Variants in SGCZ observed in about 807,000 individuals in gnomAD.
SGCZ encodes the protein zeta-sarcoglycan.
A neutral mutation model predicts 41.3 loss-of-function variants in SGCZ; 40 were observed. That is an observed-to-expected ratio of 0.97 (90% confidence interval 0.75 to 1.26). The LOEUF is 1.26. Ranked by LOEUF, SGCZ falls within the 50% of genes most tolerant of loss-of-function variation. SGCZ has a pLI of 0.00. For synonymous variants in SGCZ, 206 were observed against 137.5 expected, an observed-to-expected ratio of 1.50 and a Z score of -3.49; for missense variants, 552 against 369.8, an observed-to-expected ratio of 1.49 and a Z score of -4.04.
chr8:14,249,332 G>A (rs1053709982), intron 3 of SGCZ, among the ~76,000 whole-genome samples: 7 of 152,068 alleles, frequency 4.6e-5, no homozygotes, highest in African/African-American at 1.7e-4. Context: ...TGATATCACA[G>A]GCTTTCCTGG....
chr8:15,103,016 T>C (rs1454703233), intron 1 of SGCZ, among the ~76,000 whole-genome samples: 1 of 152,186 alleles, frequency 6.6e-6, no homozygotes, highest in Non-Finnish European at 1.5e-5. Flanking sequence ...TATAATGTAA[T>C]ATAAATAGAA....
intron 1 of SGCZ, among the ~76,000 whole-genome samples, chr8:14,786,029 C>T (rs1476561831): frequency 7.6e-6 from 1 of 131,942 alleles, no homozygotes; most frequent in Non-Finnish European, 1.5e-5. Flanking sequence ...AGATATATCC[C>T]CTTTATTTTT....
At chr8:14,878,518 G>A (rs1301026742) in intron 1 of SGCZ, among the ~76,000 whole-genome samples, 4 of 152,042 alleles carry the variant, frequency 2.6e-5, no homozygotes, top group Non-Finnish European at 2.9e-5. Context: ...ATATCTGATT[G>A]GCTACAAATG....
At chr8:14,433,398 G>C (rs1800001081) in intron 2 of SGCZ, among the ~76,000 whole-genome samples, 1 of 152,134 alleles carries the variant, frequency 6.6e-6, no homozygotes, top group Non-Finnish European at 1.5e-5. Flanking sequence ...ACAATGAATT[G>C]TTTATTGCAA....
intron 1 of SGCZ, among the ~76,000 whole-genome samples, chr8:14,735,359 G>T (rs151092872): frequency 6.6e-6 from 1 of 152,194 alleles, no homozygotes; most frequent in Non-Finnish European, 1.5e-5. Context: ...CCAATTGGCC[G>T]CCAGCACGGC....
intron 1 of SGCZ, among the ~76,000 whole-genome samples, chr8:14,986,309 G>A (rs934480784): frequency 1.3e-5 from 2 of 152,016 alleles, no homozygotes; most frequent in African/African-American, 4.8e-5. Context: ...TACCACTAAG[G>A]TTCTTACAGT....
At chr8:14,644,754 T>C (rs1807150432) in intron 1 of SGCZ, among the ~76,000 whole-genome samples, 1 of 151,734 alleles carries the variant, frequency 6.6e-6, no homozygotes, top group Admixed American at 6.6e-5. Flanking sequence ...AATGCAAATG[T>C]ACTTCTTACG....
At chr8:14,787,718 C>T (rs375401776) in intron 1 of SGCZ, among the ~76,000 whole-genome samples, 50 of 151,974 alleles carry the variant, frequency 3.3e-4, no homozygotes, top group African/African-American at 5.8e-4. Context: ...TGGTGGCACA[C>T]GCCTGTGATC....
intron 1 of SGCZ, among the ~76,000 whole-genome samples, chr8:15,031,905 C>CTA (rs945403224): frequency 1.4e-5 from 1 of 71,354 alleles, no homozygotes; most frequent in Non-Finnish European, 2.5e-5. Flanking sequence ...CTATATTCCT[C>CTA]TCTCTCTCTC....
At chr8:14,788,712 A>G (rs979252935) in intron 1 of SGCZ, among the ~76,000 whole-genome samples, 6 of 152,228 alleles carry the variant, frequency 3.9e-5, no homozygotes, top group African/African-American at 7.2e-5. Flanking sequence ...TGAAATTGTC[A>G]TGAACAAGCA....
intron 1 of SGCZ, among the ~76,000 whole-genome samples, chr8:14,956,273 C>T (rs975192012): frequency 2.6e-5 from 4 of 151,836 alleles, no homozygotes; most frequent in African/African-American, 9.7e-5. Flanking sequence ...CTCTTGACCT[C>T]GTGATCCGCC....
intron 2 of SGCZ, among the ~76,000 whole-genome samples, chr8:14,443,737 G>A (rs2117377599): frequency 6.6e-6 from 1 of 152,162 alleles, no homozygotes; most frequent in East Asian, 1.9e-4. Context: ...TTACCATTCA[G>A]GACATAGGCA....
chr8:14,427,452 C>T (rs565662132), intron 2 of SGCZ, among the ~76,000 whole-genome samples: 1 of 152,140 alleles, frequency 6.6e-6, no homozygotes, highest in East Asian at 1.9e-4. Context: ...CCACAGAGAC[C>T]CAAAGATATT....
intron 1 of SGCZ, among the ~76,000 whole-genome samples, chr8:14,674,749 T>G (rs1331267165): frequency 2.6e-5 from 4 of 151,534 alleles, no homozygotes; most frequent in African/African-American, 7.3e-5. Flanking sequence ...TCTCAAGAGA[T>G]CTGATCATTT....
chr8:14,244,309 G>A (rs539103911), intron 3 of SGCZ, among the ~76,000 whole-genome samples: 1 of 150,598 alleles, frequency 6.6e-6, no homozygotes, highest in South Asian at 2.1e-4. Flanking sequence ...AGCAAGGTTG[G>A]TAAAAATTCA....
chr8:14,840,695 A>G (rs905154138), intron 1 of SGCZ, among the ~76,000 whole-genome samples: 1 of 152,122 alleles, frequency 6.6e-6, no homozygotes, highest in African/African-American at 2.4e-5. Flanking sequence ...AAATAATTTT[A>G]TCTTGTCAGG....
intron 1 of SGCZ, among the ~76,000 whole-genome samples, chr8:14,625,743 T>A (rs1806434226): frequency 6.6e-6 from 1 of 152,136 alleles, no homozygotes. Flanking sequence ...AAGTGAACAG[T>A]GTAAGAATTC....
At chr8:14,310,169 G>C (rs955932920) in intron 3 of SGCZ, among the ~76,000 whole-genome samples, 47 of 152,068 alleles carry the variant, frequency 3.1e-4, no homozygotes, top group Non-Finnish European at 6.2e-4. Flanking sequence ...TACTCTTCCT[G>C]ATGGCTGATA....
chr8:14,567,167 G>C (rs969583709), intron 1 of SGCZ, among the ~76,000 whole-genome samples: 1 of 152,152 alleles, frequency 6.6e-6, no homozygotes, highest in African/African-American at 2.4e-5. Flanking sequence ...CCAGGGAGTC[G>C]CCCCCTGCTC....
Sources: allele counts gnomAD v4.1 joint callset (sites outside exome capture counted in the v4.1 genomes callset), GRCh38; gene constraint gnomAD v4.1.1; transcripts MANE v1.5; gene names NCBI Gene and HGNC (gene_info 2026-07-23, HGNC 2026-07-21).